The following BTBD8 variants were observed in gnomAD, a reference collection of about 807,000 sequenced individuals.
BTBD8 encodes BTB domain containing 8.
BTBD8 carries 110 observed loss-of-function variants against 162.9 expected under a neutral mutation model. The ratio of observed to expected loss-of-function variants is 0.68; its 90% confidence interval spans 0.58 to 0.79. BTBD8 has a LOEUF of 0.79. Among genes scored for constraint, BTBD8 ranks in the 30% least tolerant of loss-of-function variants. The probability of loss-of-function intolerance (pLI) is 0.00; values close to 1 mark genes in which losing one functional copy is unlikely to be tolerated. For missense variants in BTBD8, 1,905 were observed against 2,085.4 expected (o/e 0.91, Z 1.68); for synonymous variants, 667 against 716.1 (o/e 0.93, Z 1.10).
At chr1:92,160,479 A>C (rs1322154076) in intron 9 of BTBD8, among the ~76,000 whole-genome samples, 4 of 152,014 alleles carry the variant, frequency 2.6e-5, no homozygotes, top group Non-Finnish European at 2.9e-5. Flanking sequence ...GACTGGCCTC[A>C]TACAGGAGAA....
In BTBD8 at chr1:92,088,721, C is replaced by G. The variant is rs1462865119; in HGVS notation, c.173C>G (p.Thr58Arg). Residue 58 changes from threonine to arginine, a missense_variant, in exon 2 of 18, where the codon ACA (threonine) becomes AGA (arginine). Around this residue, in one of 3 missense-constraint regions of BTBD8, gnomAD observed 1,374 missense variants for 1,442.7 expected, o/e 0.95. Transcript: ENST00000636805. ...LLRLLREEFHTDVTFSVGCTL... is the reference protein window; with the variant it reads ...LLRLLREEFHRDVTFSVGCTL... Reference sequence around the variant, plus strand: ...AGGCTTCTAAGGGAAGAATTCCATACAGATGTTACCTTCTCTGTGGGTTGT... The same window carrying G: ...AGGCTTCTAAGGGAAGAATTCCATAGAGATGTTACCTTCTCTGTGGGTTGT... 1 of 1,606,836 alleles carries G rather than the reference C, an allele frequency of 6.2e-7. No homozygotes were observed. The highest frequency in any genetic ancestry group is 1.3e-5 in the African/African-American group (1 of 74,844).
chr1:92,136,671 T>A (rs1184033998), intron 5 of BTBD8, among the ~76,000 whole-genome samples: 1 of 152,206 alleles, frequency 6.6e-6, no homozygotes, highest in African/African-American at 2.4e-5. Flanking sequence ...GCAAATCAGT[T>A]TGATAAATGT....
chr1:92,174,994 A>G (rs995543260), intron 13 of BTBD8, among the ~76,000 whole-genome samples: 4 of 152,216 alleles, frequency 2.6e-5, no homozygotes, highest in African/African-American at 9.6e-5. Context: ...TAAACTGCAT[A>G]TCAAAATATG....
intron 9 of BTBD8, among the ~76,000 whole-genome samples, chr1:92,162,312 C>T (rs567003107): frequency 2.7e-4 from 41 of 152,350 alleles, no homozygotes; most frequent in African/African-American, 9.1e-4. Context: ...AATTCTGAAC[C>T]TGTGCAAACC....
At position 92,177,559 on chromosome 1, in the gene BTBD8, A is replaced by G. The variant is rs745508714; in HGVS notation, c.2353+13A>G. On this transcript the variant is annotated intron_variant, in intron 14 of 17. Coordinates refer to ENST00000636805, the MANE Select transcript of BTBD8 (RefSeq NM_001376131.1). ...AATTCCACTGTAGGTGGGTTTTAGC[A>G]CTGTAATTTTTAATATCTCCTGACA... 2.1e-6 allele frequency: 3 copies of G among 1,462,556 alleles called. No individual in the cohort carries two copies. In the South Asian group the frequency reaches 4.1e-5, roughly 20 times the overall value. 90.6% of individuals were successfully genotyped at this position (1,462,556 alleles called of 1,614,324 possible).
At chr1:92,109,639 A>C (rs1320205818) in intron 4 of BTBD8, among the ~76,000 whole-genome samples, 1 of 152,210 alleles carries the variant, frequency 6.6e-6, no homozygotes, top group Non-Finnish European at 1.5e-5. Context: ...TGTAAGTTAG[A>C]ATAGCCAATT....
intron 2 of BTBD8, among the ~76,000 whole-genome samples, chr1:92,091,940 T>C (rs762352749): frequency 1.3e-5 from 2 of 152,164 alleles, no homozygotes; most frequent in Non-Finnish European, 2.9e-5. Flanking sequence ...CTGGACACTC[T>C]TACTGAAAAT....
intron 2 of BTBD8, among the ~76,000 whole-genome samples, chr1:92,091,054 T>C (rs1185076170): frequency 6.6e-6 from 1 of 152,228 alleles, no homozygotes; most frequent in Non-Finnish European, 1.5e-5. Context: ...TACTCATTAA[T>C]ATGGTTTGGA....
chr1:92,179,874 C>T (rs1222956156), intron 16 of BTBD8, among the ~76,000 whole-genome samples: 3 of 152,130 alleles, frequency 2.0e-5, no homozygotes, highest in Non-Finnish European at 1.5e-5. Context: ...GTAGAGCACA[C>T]TATTTTTTTT....
chr1:92,118,496 C>T (rs1649103948), intron 4 of BTBD8, among the ~76,000 whole-genome samples: 3 of 151,532 alleles, frequency 2.0e-5, no homozygotes, highest in African/African-American at 7.3e-5. Flanking sequence ...TTTATGTTAA[C>T]CTTGATGATG....
intron 7 of BTBD8, among the ~76,000 whole-genome samples, chr1:92,143,208 T>C (rs1317891516): frequency 6.6e-6 from 1 of 152,190 alleles, no homozygotes; most frequent in Non-Finnish European, 1.5e-5. Flanking sequence ...GTTAGTGTCT[T>C]CTCTGAGCTG....
rs1303773842 is a variant in BTBD8, at chr1:92,129,731, G to C, written c.707G>C (p.Ser236Thr). The change falls in exon 5 of 18, where the codon AGT becomes ACT. Residue 236 changes from serine (S) to threonine (T), a missense_variant. Transcript: ENST00000636805. ...ARSSYFAAML[S>T]GCWAESSQEY... ...TCTAGTTATTTTGCTGCAATGCTGAGTGGCTGTTGGGCTGAAAGCTCCCAA... is the reference window on the plus strand; with the variant it reads ...TCTAGTTATTTTGCTGCAATGCTGACTGGCTGTTGGGCTGAAAGCTCCCAA... 1.2e-6 allele frequency: 2 copies of C among 1,614,004 alleles called. No individual in the cohort carries two copies. The highest frequency in any genetic ancestry group is 2.7e-5 in the African/African-American group (2 of 74,890).
chr1:92,127,368 A>G (rs1294836079), intron 4 of BTBD8, among the ~76,000 whole-genome samples: 1 of 152,208 alleles, frequency 6.6e-6, no homozygotes, highest in East Asian at 1.9e-4. Context: ...TGACTCTAGT[A>G]TGATCTCCTA....
intron 2 of BTBD8, among the ~76,000 whole-genome samples, chr1:92,096,982 A>G (rs2101898946): frequency 6.6e-6 from 1 of 152,358 alleles, no homozygotes; most frequent in Non-Finnish European, 1.5e-5. Flanking sequence ...AAGTCAAAGC[A>G]GTGAGAACTT....
chr1:92,105,088 A>G (rs1368287174), intron 3 of BTBD8, among the ~76,000 whole-genome samples: 1 of 151,854 alleles, frequency 6.6e-6, no homozygotes, highest in Non-Finnish European at 1.5e-5. Context: ...ACCTGCCACC[A>G]CGCCTGGCTA....
At chr1:92,158,555 A>G (rs1042284576) in intron 9 of BTBD8, among the ~76,000 whole-genome samples, 1 of 152,156 alleles carries the variant, frequency 6.6e-6, no homozygotes, top group African/African-American at 2.4e-5. Context: ...TATAGTACAT[A>G]TTCGTTAATA....
At position 92,167,051 on chromosome 1, in the gene BTBD8, G is replaced by A. The variant is rs1162752726; in HGVS notation, c.1216G>A (p.Ala406Thr). ...GTGGACGGAAGCAGCACTGACCATG[G>A]CGTCTCAGCTTCAAGAAAAATGTAT... is the stretch of plus-strand genomic sequence containing the variant. The part of the protein sequence containing the change: ...VKWTEAALTM[A>T]SQLQEKCIAF... The change falls in exon 10 of 18, where the codon GCG (alanine) becomes ACG (threonine). Residue 406 changes from alanine to threonine, a missense_variant. Ala to Thr is a moderately conservative substitution (Grantham distance 58). Transcript: ENST00000636805. 5.2e-6 allele frequency: 8 copies of A among 1,550,548 alleles called. No individual in the cohort carries two copies.
chr1:92,174,104 G>T (rs948227546), intron 13 of BTBD8, among the ~76,000 whole-genome samples: 2 of 152,102 alleles, frequency 1.3e-5, no homozygotes, highest in African/African-American at 2.4e-5. Flanking sequence ...AATAAAATTG[G>T]AATTAATAAT....
chr1:92,130,683 T>C (rs544563602), intron 5 of BTBD8, among the ~76,000 whole-genome samples: 2 of 152,152 alleles, frequency 1.3e-5, no homozygotes, highest in African/African-American at 4.8e-5. Flanking sequence ...AAAGCAAATA[T>C]TTACATTCAA....
Sources: gnomAD v4.1 joint callset for allele counts (sites outside exome capture counted in the v4.1 genomes callset) on GRCh38, gnomAD v4.1.1 for gene constraint, gnomAD v4.1.1 regional missense constraint, MANE v1.5 for transcripts, NCBI Gene and HGNC (gene_info 2026-07-23, HGNC 2026-07-21) for gene names.